The following PRKAG3 variants were observed in gnomAD, a reference collection of about 807,000 sequenced individuals.
PRKAG3 encodes protein kinase AMP-activated non-catalytic subunit gamma 3.
A neutral mutation model predicts 56.5 loss-of-function variants in PRKAG3; 39 were observed. That is an observed-to-expected ratio of 0.69 (90% CI 0.53 to 0.90). PRKAG3 has a LOEUF of 0.90. Among genes scored for constraint, PRKAG3 ranks in the 40% least tolerant of loss-of-function variants. PRKAG3 has a pLI of 0.00. For missense variants in PRKAG3, 628 were observed against 627.5 expected (o/e 1.00, Z -0.01); for synonymous variants, 243 against 250.1 (o/e 0.97, Z 0.27).
At position 218,828,099 on chromosome 2, in the gene PRKAG3, C is replaced by T. The variant is rs1438648414; in HGVS notation, c.716-37G>A. On this transcript the variant is annotated intron_variant, in intron 5 of 12. Coordinates refer to ENST00000529249, the Ensembl canonical transcript of PRKAG3. ...GGCGGGGAGGAGGTCAGCCCGGGGC[C>T]TTTGGGTGGAAGGCAGGTTGAGGGT... 2.0e-6 allele frequency: 3 copies of T among 1,537,648 alleles called. No individual in the cohort carries two copies. The Admixed American group carries it at 5.9e-5, about 30-fold the overall frequency.
In PRKAG3 at chr2:218,831,720, C is replaced by T; in HGVS notation, c.33+18G>A. The T allele has an allele frequency of 6.2e-7, 1 of 1,609,224 alleles. No individual in the cohort carries two copies. Among genetic ancestry groups the T allele is most frequent in the Non-Finnish European group, 8.5e-7 (1 of 1,178,328 alleles). On this transcript the variant is annotated intron_variant, in intron 1 of 12. Transcript: ENST00000529249. ...GGCCTCAGCTGCCCCGGCTCCGGCT[C>T]CCCTGGGACCCCCATACCCTGCGCA...
In PRKAG3 at chr2:218,828,053, G is replaced by T. The variant is rs1179928609; in HGVS notation, c.725C>A (p.Thr242Asn). 1.1e-5 allele frequency: 17 copies of T among 1,508,560 alleles called. 1 individual carries two copies. The highest frequency in any genetic ancestry group is 1.7e-4 in the Middle Eastern group (1 of 5,928). 93.4% of individuals were successfully genotyped at this position (1,508,560 alleles called of 1,614,324 possible). The change falls in exon 6 of 13, where the codon ACC becomes AAC. Residue 242 changes from threonine to asparagine, a missense_variant. Transcript: ENST00000529249. ...CAGCACCAGGATGAAGTCAGTGATG[G>T]TCAGCATCCCTGCAGGGAGGGGCGG...
Position 218,827,133 on chromosome 2 carries a change from C to T in PRKAG3, c.1003-40G>A, listed in dbSNP as rs1215920389. The T allele has an allele frequency of 8.7e-6, 14 of 1,612,672 alleles. No individual in the cohort carries two copies. The highest frequency in any genetic ancestry group is 1.3e-5 in the African/African-American group (1 of 74,892). ...GACCAGGTGGAGATCAGGGATCCAG[C>T]AGCTTCAAGAGGGCTCCCAGCTCTT... On this transcript the variant is annotated intron_variant, in intron 9 of 12. Transcript: ENST00000529249. This position sits in a 1 kb window ranked among gnomAD's most constrained non-coding sequence, Gnocchi z 5.3.
At chr2:218,825,010 T>C (rs1026346172) in intron 10 of PRKAG3, among the ~76,000 whole-genome samples, 5 of 152,162 alleles carry the variant, frequency 3.3e-5, no homozygotes, top group Non-Finnish European at 7.3e-5. Context: ...TAAAGAGATT[T>C]AAGGAACAAA....
chr2:218,824,329 T>G (rs1300720782), exon 12 of PRKAG3: 2 of 1,613,984 alleles, frequency 1.2e-6, no homozygotes, highest in Non-Finnish European at 1.7e-6. Context: ...TCTCCCACAC[T>G]CATGTCCAGG....
At chr2:218,824,607 AG>A (rs775459356) in intron 10 of PRKAG3, 31 bp from the exon 11 acceptor site, 26 of 1,587,522 alleles carry the variant, frequency 1.6e-5, no homozygotes, top group Non-Finnish European at 1.6e-5. Flanking sequence ...GGGTGGGGGG[AG>A]AAAGACAGGG....
intron 10 of PRKAG3, among the ~76,000 whole-genome samples, chr2:218,825,743 G>C (rs372271861): frequency 1.4e-4 from 21 of 148,948 alleles, no homozygotes; most frequent in African/African-American, 5.2e-4. Flanking sequence ...TCATGGTTTT[G>C]TTTGGTGGTA....
At chr2:218,825,783 A>C (rs1427378678) in intron 10 of PRKAG3, among the ~76,000 whole-genome samples, 2 of 128,792 alleles carry the variant, frequency 1.6e-5, no homozygotes, top group South Asian at 5.0e-4. Context: ...TTTTTTTTGG[A>C]GTCTCGCTCT....
intron 4 of PRKAG3, among the ~76,000 whole-genome samples, chr2:218,829,578 G>A (rs182405555): frequency 1.7e-4 from 26 of 151,604 alleles, no homozygotes; most frequent in Admixed American, 8.5e-4. Context: ...TGCCCACCTC[G>A]ACCTCCTAAA....
exon 5 of PRKAG3, chr2:218,828,590 G>C: frequency 6.2e-7 from 1 of 1,613,278 alleles, no homozygotes; most frequent in Non-Finnish European, 8.5e-7. Flanking sequence ...AGCAAAGAAG[G>C]CCTTCTTGAT....
chr2:218,826,029 G>C (rs1166402909), intron 10 of PRKAG3, among the ~76,000 whole-genome samples: 1 of 152,130 alleles, frequency 6.6e-6, no homozygotes, highest in African/African-American at 2.4e-5. Context: ...AAAGTGCTGG[G>C]ATTACAGGCA....
exon 10 of PRKAG3, chr2:218,826,989 C>T: frequency 6.2e-7 from 1 of 1,614,218 alleles, no homozygotes; most frequent in South Asian, 1.1e-5. Flanking sequence ...CCAGTGCAGT[C>T]AGGATGGGTG....
chr2:218,824,584 G>A lies in PRKAG3; in HGVS notation c.1169-8C>T, dbSNP rs1390797252. 8.7e-6 allele frequency: 14 copies of A among 1,609,766 alleles called. No individual in the cohort carries two copies. The highest frequency in any genetic ancestry group is 1.6e-4 in the Middle Eastern group (1 of 6,084). ...AGAGGCCCACGACCTGACCTGCAGA[G>A]GGTGGTTGTGGGGGGTGGGGGGAGA... On this transcript the variant is annotated splice_region_variant and splice_polypyrimidine_tract_variant and intron_variant, in intron 10 of 12. Coordinates refer to ENST00000529249, the Ensembl canonical transcript of PRKAG3.
chr2:218,829,615 C>T (rs749697425), intron 4 of PRKAG3, among the ~76,000 whole-genome samples: 9 of 152,166 alleles, frequency 5.9e-5, no homozygotes, highest in South Asian at 2.1e-4. Context: ...CATGAGCCAC[C>T]GTGCCCGGCC....
At chr2:218,826,358 A>T (rs1943932710) in intron 10 of PRKAG3, among the ~76,000 whole-genome samples, 1 of 152,218 alleles carries the variant, frequency 6.6e-6, no homozygotes, top group Non-Finnish European at 1.5e-5. Flanking sequence ...CCAAAGAAAT[A>T]ATCTTGTCAT....
chr2:218,823,686 T>C, exon 13 of PRKAG3: 2 of 1,606,748 alleles, frequency 1.2e-6, no homozygotes, highest in East Asian at 4.5e-5. Context: ...TGGGGGAAGA[T>C]GAAGGCTGAG....
chr2:218,828,500 C>T lies in PRKAG3; in HGVS notation c.715+19G>A. 1 of 1,607,064 alleles carries T rather than the reference C, an allele frequency of 6.2e-7. No individual in the cohort carries two copies. The highest frequency in any genetic ancestry group is 8.5e-7 in the Non-Finnish European group (1 of 1,175,656). On this transcript the variant is annotated intron_variant, in intron 5 of 12. Transcript: ENST00000529249. Reference sequence around the variant, plus strand: ...CCTCACCTCCTCCATCTCCCTTCACCTCCCCAGCCTCTCCTCACCCACAAA... The same window carrying T: ...CCTCACCTCCTCCATCTCCCTTCACTTCCCCAGCCTCTCCTCACCCACAAA...
intron 3 of PRKAG3, 106 bp downstream of exon 3, chr2:218,830,640 C>A: frequency 7.2e-7 from 1 of 1,394,000 alleles, no homozygotes. Context: ...AAGGTTGGGT[C>A]CAACTCTGTG....
chr2:218,826,993 A>G, exon 10 of PRKAG3: 2 of 1,614,190 alleles, frequency 1.2e-6, no homozygotes, highest in South Asian at 1.1e-5. Flanking sequence ...TGCAGTCAGG[A>G]TGGGTGCTGT....
Sources: gnomAD v4.1 joint callset for allele counts (sites outside exome capture counted in the v4.1 genomes callset) on GRCh38, gnomAD v4.1.1 for gene constraint, Gnocchi (gnomAD v3.1) non-coding constraint, MANE v1.5 for transcripts, NCBI Gene and HGNC (gene_info 2026-07-23, HGNC 2026-07-21) for gene names.